Variants in NELL1 observed in about 807,000 individuals in gnomAD.
NELL1 encodes the protein protein kinase C-binding protein NELL1.
In NELL1, 76 loss-of-function variants were observed where a neutral mutation model predicts 107.4. The observed-to-expected ratio is 0.71, with a 90% CI of 0.59 to 0.86. The LOEUF (loss-of-function observed/expected upper bound fraction) is 0.86, where lower values mean the gene tolerates loss of function less well. Ranked by LOEUF, NELL1 falls within the 40% of genes least tolerant of loss-of-function variation. NELL1 has a pLI of 0.00. For missense variants in NELL1, 1,024 were observed against 1,005.5 expected, an observed-to-expected ratio of 1.02 and a Z score of -0.25; for synonymous variants, 353 against 341.2, an observed-to-expected ratio of 1.03 and a Z score of -0.38.
At chr11:20,768,632 T>G (rs1782213747) in intron 2 of NELL1, among the ~76,000 whole-genome samples, 1 of 152,224 alleles carries the variant, frequency 6.6e-6, no homozygotes, top group Non-Finnish European at 1.5e-5. Context: ...GTGGGGCCTG[T>G]GTAATCACAA....
chr11:20,851,005 A>G (rs1422600015), intron 4 of NELL1, among the ~76,000 whole-genome samples: 1 of 152,180 alleles, frequency 6.6e-6, no homozygotes, highest in African/African-American at 2.4e-5. Context: ...ACCTTAGTCT[A>G]ACCCACCCTC....
intron 14 of NELL1, among the ~76,000 whole-genome samples, chr11:21,250,516 G>C (rs761750047): frequency 6.6e-6 from 1 of 152,104 alleles, no homozygotes; most frequent in African/African-American, 2.4e-5. Flanking sequence ...TCAGCTGCCA[G>C]CTGGATTTGA....
intron 13 of NELL1, among the ~76,000 whole-genome samples, chr11:21,165,149 G>T (rs564859728): frequency 7.2e-5 from 11 of 152,234 alleles, no homozygotes; most frequent in South Asian, 2.1e-4. Flanking sequence ...GGTGCCATTC[G>T]CAGAGGAAGC....
At chr11:21,246,962 C>T (rs1272512838) in intron 14 of NELL1, among the ~76,000 whole-genome samples, 1 of 152,138 alleles carries the variant, frequency 6.6e-6, no homozygotes. Flanking sequence ...TGGGTCCCTC[C>T]CACAACATGT....
chr11:21,569,171 A>G lies in NELL1; in HGVS notation c.1981-1593A>G, dbSNP rs115634373. On this transcript the variant is annotated intron_variant, in intron 17 of 19. Transcript: ENST00000357134. ...TAAGACCACCTTTTGTATGTGTAGT[A>G]TGTCAGTGACCAAAATTTCATTGTG... Among the ~76,000 whole-genome samples, 247 of 151,750 alleles carry G rather than the reference A, an allele frequency of 1.6e-3. 1 individual carries two copies. Among genetic ancestry groups the G allele is most frequent in the African/African-American group, 5.9e-3 (243 of 41,476 alleles).
intron 12 of NELL1, among the ~76,000 whole-genome samples, chr11:20,967,653 G>A (rs72939234): frequency 3.3e-5 from 5 of 152,112 alleles, no homozygotes; most frequent in Admixed American, 1.3e-4. Context: ...CTCATGTCTT[G>A]CTGTCTTCAC....
chr11:21,382,243 C>G (rs1446033176), intron 15 of NELL1, among the ~76,000 whole-genome samples: 1 of 151,736 alleles, frequency 6.6e-6, no homozygotes, highest in East Asian at 1.9e-4. Context: ...AGTAATCATC[C>G]AAATATGTGG....
intron 14 of NELL1, among the ~76,000 whole-genome samples, chr11:21,366,239 T>C (rs765605337): frequency 5.2e-4 from 79 of 152,140 alleles, no homozygotes; most frequent in South Asian, 2.1e-4. Context: ...GGCCGACTTA[T>C]CCGCTGAGTT....
At chr11:21,367,805 C>G (rs1851262770) in intron 14 of NELL1, among the ~76,000 whole-genome samples, 1 of 151,950 alleles carries the variant, frequency 6.6e-6, no homozygotes, top group Non-Finnish European at 1.5e-5. Flanking sequence ...AAATATAGAG[C>G]CAGAATTAGG....
chr11:21,170,557 T>G (rs578104989), intron 13 of NELL1, among the ~76,000 whole-genome samples: 1 of 151,864 alleles, frequency 6.6e-6, no homozygotes, highest in African/African-American at 2.4e-5. Flanking sequence ...TTTAAAAAAC[T>G]ATATGCACTT....
chr11:21,291,233 C>T (rs7106590), intron 14 of NELL1, among the ~76,000 whole-genome samples: 287 of 152,158 alleles, frequency 1.9e-3, no homozygotes, highest in African/African-American at 6.4e-3. Context: ...AAGTGGAAGA[C>T]AGGATATCAT....
At chr11:21,092,102 A>G (rs753601713) in intron 12 of NELL1, among the ~76,000 whole-genome samples, 3 of 152,228 alleles carry the variant, frequency 2.0e-5, no homozygotes, top group African/African-American at 4.8e-5. Context: ...TTTAAAACAC[A>G]TAATATCTAC....
intron 14 of NELL1, chr11:21,284,467 G>T: frequency 2.2e-6 from 1 of 458,810 alleles, no homozygotes; most frequent in South Asian, 1.5e-5. Flanking sequence ...TCACGAAACT[G>T]GGAGATGGTC....
At chr11:20,980,159 T>C (rs1851720539) in intron 12 of NELL1, among the ~76,000 whole-genome samples, 1 of 152,212 alleles carries the variant, frequency 6.6e-6, no homozygotes, top group South Asian at 2.1e-4. Context: ...CGAGCATCTC[T>C]TGTTCTCAGA....
intron 2 of NELL1, among the ~76,000 whole-genome samples, chr11:20,682,365 A>C: frequency 6.7e-6 from 1 of 150,246 alleles, no homozygotes; most frequent in Non-Finnish European, 1.5e-5. Flanking sequence ...GGTCAACCCA[A>C]AAATATATTA....
At chr11:21,041,150 A>G (rs1430145154) in intron 12 of NELL1, among the ~76,000 whole-genome samples, 3 of 152,188 alleles carry the variant, frequency 2.0e-5, no homozygotes, top group African/African-American at 4.8e-5. Flanking sequence ...GAAGAGAACA[A>G]TGGCACTTGA....
At position 20,727,055 on chromosome 11, in the gene NELL1, C is replaced by A. The variant is rs531801177; in HGVS notation, c.184+48995C>A. ...TATTGTGAATAGTGCCGCAATAAACCTCTGTGTGCATGTGTCTTTATAGTA... is the reference window on the plus strand; with the variant it reads ...TATTGTGAATAGTGCCGCAATAAACATCTGTGTGCATGTGTCTTTATAGTA... On this transcript the variant is annotated intron_variant, in intron 2 of 19. Transcript: ENST00000357134. 2.2e-3 allele frequency among the ~76,000 whole-genome samples: 329 copies of A among 152,116 alleles called. 1 individual carries two copies. Among genetic ancestry groups the A allele is most frequent in the African/African-American group, 7.6e-3 (315 of 41,492 alleles).
chr11:21,238,274 T>G (rs1207735970), intron 14 of NELL1, among the ~76,000 whole-genome samples: 5 of 152,222 alleles, frequency 3.3e-5, no homozygotes, highest in Non-Finnish European at 7.4e-5. Context: ...CTATTTCTTT[T>G]CATTTCCATA....
intron 15 of NELL1, among the ~76,000 whole-genome samples, chr11:21,512,474 ATAGTGATATT>A (rs1364838151): frequency 1.3e-5 from 2 of 152,154 alleles, no homozygotes; most frequent in African/African-American, 2.4e-5. Flanking sequence ...TGCTTGATAT[ATAGTGATATT>A]ATAATATTTT....
Sources: gnomAD v4.1 joint callset for allele counts (sites outside exome capture counted in the v4.1 genomes callset) on GRCh38, gnomAD v4.1.1 for gene constraint, MANE v1.5 for transcripts, NCBI Gene and HGNC (gene_info 2026-07-23, HGNC 2026-07-21) for gene names.